The following ABCC5 variants were observed in gnomAD, a reference collection of about 807,000 sequenced individuals.
The protein encoded by ABCC5 is ATP-binding cassette sub-family C member 5.
A neutral mutation model predicts 160.9 loss-of-function variants in ABCC5; 61 were observed. That is an observed-to-expected ratio of 0.38 (90% CI 0.31 to 0.47). The LOEUF is 0.47. ABCC5 is among the 20% of genes least tolerant of loss of function. ABCC5 has a pLI of 0.99. For missense variants in ABCC5, 1,308 were observed against 1,813.3 expected (o/e 0.72, Z 5.06); for synonymous variants, 666 against 700.6 (o/e 0.95, Z 0.78).
intron 2 of ABCC5, among the ~76,000 whole-genome samples, chr3:184,009,074 A>G (rs1316047017): frequency 6.6e-6 from 1 of 152,084 alleles, no homozygotes; most frequent in Non-Finnish European, 1.5e-5. Flanking sequence ...CATGATGCCC[A>G]GGTTGGTCTT....
At chr3:184,013,765 G>A (rs1044430430) in intron 2 of ABCC5, among the ~76,000 whole-genome samples, 8 of 152,170 alleles carry the variant, frequency 5.3e-5, no homozygotes, top group South Asian at 4.1e-4. Flanking sequence ...AGAACAGACC[G>A]GGTGAGAGGG....
chr3:183,936,757 A>C (rs1181948933), intron 26 of ABCC5, among the ~76,000 whole-genome samples: 1 of 152,196 alleles, frequency 6.6e-6, no homozygotes, highest in Middle Eastern at 3.4e-3. Context: ...ATCCGCCCGC[A>C]TTGGCCTCCC....
At chr3:183,971,293 C>A (rs1351611257) in intron 11 of ABCC5, among the ~76,000 whole-genome samples, 1 of 152,212 alleles carries the variant, frequency 6.6e-6, no homozygotes, top group Non-Finnish European at 1.5e-5. Context: ...ATAGAATCCT[C>A]TTTGGGGAAA....
At chr3:183,967,561 T>C (rs541680290) in intron 12 of ABCC5, 134 bp downstream of exon 12, 7 of 759,352 alleles carry the variant, frequency 9.2e-6, no homozygotes, top group Middle Eastern at 5.4e-4. Flanking sequence ...CTGCGGGGGA[T>C]TGGGGGCATA....
intron 17 of ABCC5, among the ~76,000 whole-genome samples, chr3:183,958,733 G>A (rs960919561): frequency 3.3e-5 from 5 of 151,936 alleles, no homozygotes; most frequent in Non-Finnish European, 7.4e-5. Flanking sequence ...CAAGTAGCTG[G>A]GACTACAGGT....
At chr3:183,942,525 G>A in intron 25 of ABCC5, 1 of 716,506 alleles carries the variant, frequency 1.4e-6, no homozygotes, top group Non-Finnish European at 2.5e-6. Context: ...TCTGCATTGA[G>A]AATGTGCACA....
At chr3:183,978,830 A>G (rs1208653353) in intron 8 of ABCC5, among the ~76,000 whole-genome samples, 179 bp from the exon 9 acceptor site, 1 of 152,206 alleles carries the variant, frequency 6.6e-6, no homozygotes, top group African/African-American at 2.4e-5. Flanking sequence ...AGTGACAGGA[A>G]TGAATCTAAC....
In ABCC5 at chr3:183,925,739, G is replaced by A. The variant is rs767254050; in HGVS notation, c.4048-20C>T. On this transcript the variant is annotated intron_variant, in intron 28 of 29. Transcript: ENST00000334444. The stretch of plus-strand genomic sequence containing the variant: ...CAGAATCTGCCAGAGAAGCAGAGGA[G>A]AAAGAAACTCGATTAAATTCCTTTA... 5.6e-6 allele frequency: 9 copies of A among 1,604,426 alleles called. No individual in the cohort carries two copies. Among genetic ancestry groups the A allele is most frequent in the Non-Finnish European group, 7.6e-6 (9 of 1,176,906 alleles).
intron 29 of ABCC5, among the ~76,000 whole-genome samples, chr3:183,924,551 G>A (rs1158391510): frequency 6.6e-6 from 1 of 152,192 alleles, no homozygotes; most frequent in Non-Finnish European, 1.5e-5. Context: ...CATTATAAAT[G>A]GCTTGCTATT....
chr3:183,967,356 G>A (rs112494653), intron 12 of ABCC5: 9 of 301,252 alleles, frequency 3.0e-5, no homozygotes, highest in African/African-American at 1.7e-4. Context: ...GCGCTGCAGT[G>A]TAGGGTGTCT....
rs757690691 is a variant in ABCC5 at position 183,977,501 on chromosome 3, G to A, written c.1404+16C>T. The A allele has an allele frequency of 6.3e-7, 1 of 1,581,450 alleles. No individual in the cohort carries two copies. The highest frequency in any genetic ancestry group is 1.1e-5 in the South Asian group (1 of 90,302). On this transcript the variant is annotated intron_variant, in intron 10 of 29. Coordinates refer to ENST00000334444, the MANE Select transcript of ABCC5 (RefSeq NM_005688.4). Reference sequence around the variant, plus strand: ...GGAGGGCTCCTGACACGGGGGCAGGGGAAGGAGCCACTTACCTTAAATCTG... The same window carrying A: ...GGAGGGCTCCTGACACGGGGGCAGGAGAAGGAGCCACTTACCTTAAATCTG...
At chr3:184,009,149 G>C (rs1721481119) in intron 2 of ABCC5, among the ~76,000 whole-genome samples, 1 of 152,200 alleles carries the variant, frequency 6.6e-6, no homozygotes, top group African/African-American at 2.4e-5. Context: ...ACAGGCGTGA[G>C]GCACCAGCAG....
At chr3:183,939,964 C>A (rs1460160992) in intron 25 of ABCC5, among the ~76,000 whole-genome samples, 3 of 152,146 alleles carry the variant, frequency 2.0e-5, no homozygotes, top group Non-Finnish European at 4.4e-5. Flanking sequence ...GCCTGCCTTG[C>A]CCCAGTGTCT....
At chr3:183,940,485 A>G (rs6443922) in intron 25 of ABCC5, among the ~76,000 whole-genome samples, 24,332 of 143,988 alleles carry the variant, frequency 0.17, 2,259 homozygotes, top group East Asian at 0.38. Context: ...AAAAAAAAAA[A>G]AAATGAATGA....
intron 17 of ABCC5, among the ~76,000 whole-genome samples, chr3:183,958,667 T>G (rs1186709106): frequency 1.3e-5 from 2 of 152,136 alleles, no homozygotes; most frequent in African/African-American, 4.8e-5. Flanking sequence ...TTTTTTTTTT[T>G]GTCAGGATCT....
intron 17 of ABCC5, among the ~76,000 whole-genome samples, chr3:183,957,528 G>T (rs76479143): frequency 2.1e-5 from 3 of 143,466 alleles, no homozygotes; most frequent in East Asian, 2.3e-4. Flanking sequence ...ATGCTTATCT[G>T]TGTGTACATC....
At chr3:183,961,807 T>A (rs1162972426) in intron 15 of ABCC5, among the ~76,000 whole-genome samples, 153 bp from the exon 16 acceptor site, 1 of 151,712 alleles carries the variant, frequency 6.6e-6, no homozygotes, top group Non-Finnish European at 1.5e-5. Flanking sequence ...TGAGGCAGAG[T>A]CTTGCTCTGT....
chr3:183,924,010 C>CTTTTTTTTTTTTTTTTTT (rs200040197), intron 29 of ABCC5, among the ~76,000 whole-genome samples: 13 of 112,796 alleles, frequency 1.2e-4, no homozygotes, highest in East Asian at 2.5e-4. Flanking sequence ...TTACTGTTTG[C>CTTTTTTTTTTTTTTTTTT]TTTTTTTTTT....
intron 2 of ABCC5, among the ~76,000 whole-genome samples, chr3:183,996,247 T>G (rs571864597): frequency 2.0e-5 from 3 of 152,328 alleles, no homozygotes; most frequent in East Asian, 3.9e-4. Flanking sequence ...TCATCCATTC[T>G]TTCCACAAAT....
Sources: allele counts gnomAD v4.1 joint callset (sites outside exome capture counted in the v4.1 genomes callset), GRCh38; gene constraint gnomAD v4.1.1; transcripts MANE v1.5; gene names NCBI Gene and HGNC (gene_info 2026-07-23, HGNC 2026-07-21).